Variants in ANKRD24 observed in about 807,000 individuals in gnomAD.
ANKRD24 encodes ankyrin repeat domain-containing protein 24.
Under a neutral mutation model 127.8 loss-of-function variants are expected in ANKRD24, and 109 were observed. The ratio of observed to expected loss-of-function variants is 0.85; its 90% CI spans 0.73 to 1.00. The LOEUF is 1.00. Among genes scored for constraint, ANKRD24 ranks in the 50% least tolerant of loss-of-function variants. ANKRD24 has a pLI of 0.00. For synonymous variants in ANKRD24, 743 were observed against 671.1 expected (o/e 1.11, Z -1.66); for missense variants, 1,648 against 1,570.2 (o/e 1.05, Z -0.84).
intron 1 of ANKRD24, among the ~76,000 whole-genome samples, chr19:4,182,943 C>T (rs1365286428): frequency 7.4e-6 from 1 of 134,914 alleles, no homozygotes; most frequent in Admixed American, 7.7e-5. Context: ...GAATGCCACG[C>T]AGAGTTACCT....
In ANKRD24 at chr19:4,207,932, C is replaced by T. The variant is rs1424106366; in HGVS notation, c.796C>T (p.Leu266=). ...LAGDKLILHL[L]QEAAQRPSPP... ...GGGGGACAAACTCATCCTGCACCTT[C>T]TGCAAGAGGCGGCCCAGCGCCCCTC... The change falls in exon 10 of 22, where the codon CTG becomes TTG. Residue 266 remains leucine, a synonymous_variant. Coordinates refer to ENST00000318934, the MANE Select transcript of ANKRD24 (RefSeq NM_001393985.1). 2 of 1,540,128 alleles carry T rather than the reference C, an allele frequency of 1.3e-6. No homozygotes were observed. The highest frequency in any genetic ancestry group is 2.2e-5 in the Admixed American group (1 of 46,218).
At chr19:4,191,431 T>C (rs886385570) in intron 2 of ANKRD24, among the ~76,000 whole-genome samples, 5 of 152,222 alleles carry the variant, frequency 3.3e-5, no homozygotes, top group South Asian at 2.1e-4. Context: ...CACCGGCTTT[T>C]TCTTATTTAT....
At position 4,212,612 on chromosome 19, in the gene ANKRD24, C is replaced by G. The variant is rs1476566276; in HGVS notation, c.1111C>G (p.Gln371Glu). The change falls in exon 15 of 22, where the codon CAG (glutamine) becomes GAG (glutamate). Residue 371 changes from glutamine (Q) to glutamate (E), a missense_variant. By Grantham distance (29) the Gln-to-Glu change is conservative. Coordinates refer to ENST00000318934, the MANE Select transcript of ANKRD24 (RefSeq NM_001393985.1). ...CTGCTGCTCCCAGGTGCAAGAGCTACAGCAGTTGCTGGTGGAGAGACAAGA... is the reference window on the plus strand; with the variant it reads ...CTGCTGCTCCCAGGTGCAAGAGCTAGAGCAGTTGCTGGTGGAGAGACAAGA... ...HILERQVQEL[Q>E]QLLVERQEEK... is the part of the protein sequence containing the mutation. 6.4e-7 allele frequency: 1 copy of G among 1,551,184 alleles called. No homozygotes were observed. The highest frequency in any genetic ancestry group is 8.7e-7 in the Non-Finnish European group (1 of 1,147,054).
At chr19:4,196,766 G>T (rs1336259470) in intron 2 of ANKRD24, among the ~76,000 whole-genome samples, 1 of 152,158 alleles carries the variant, frequency 6.6e-6, no homozygotes, top group Non-Finnish European at 1.5e-5. Flanking sequence ...GGCATCCAGT[G>T]GGCGCTCAAT....
rs995611095 is a variant in ANKRD24 at position 4,195,560 on chromosome 19, C to T, written c.37-4123C>T. On this transcript the variant is annotated intron_variant, in intron 2 of 21. Transcript: ENST00000318934. This position sits in a 1 kb window ranked among gnomAD's most constrained non-coding sequence, Gnocchi z 4.2. ...TCCTTCCCAAATGCCTGTCACTTTC[C>T]ATTTTCCTGCCTTGGTTCCCACTCC... Among the ~76,000 whole-genome samples the T allele has an allele frequency of 6.6e-6, 1 of 152,136 alleles. No individual in the cohort carries two copies. The highest frequency in any genetic ancestry group is 2.4e-5 in the African/African-American group (1 of 41,430).
chr19:4,216,866 A>G lies in ANKRD24; in HGVS notation c.1706A>G (p.Asp569Gly), dbSNP rs375825221. The G allele has an allele frequency of 5.0e-6, 8 of 1,611,182 alleles. No individual in the cohort carries two copies. In the African/African-American group the frequency reaches 1.1e-4, roughly 22 times the overall value. Residue 569 changes from aspartate to glycine, a missense_variant, in exon 18 of 22, where the codon GAT becomes GGT. Coordinates refer to ENST00000318934, the MANE Select transcript of ANKRD24 (RefSeq NM_001393985.1). ...AETIDEEAAG[D>G]ETMEARTMEA... ...ACCATAGATGAGGAGGCTGCAGGAG[A>G]TGAAACCATGGAAGCCAGGACTATG...
rs1298236903 is a variant in ANKRD24 at position 4,212,481 on chromosome 19, G to A, written c.1066G>A (p.Glu356Lys). Residue 356 changes from glutamate (E) to lysine (K), a missense_variant, in exon 14 of 22, where the codon GAG becomes AAG. Coordinates refer to ENST00000318934, the MANE Select transcript of ANKRD24 (RefSeq NM_001393985.1). ...TCCCTGTTTCTCCCGTCAGTCCCCG[G>A]AGGCCAGCTCCCTGCACATCCTGGA... ...HKERRQQESP[E>K]ASSLHILERQ... is the part of the protein sequence containing the mutation. The A allele has an allele frequency of 1.5e-5, 23 of 1,574,962 alleles. No individual in the cohort carries two copies. Among genetic ancestry groups the A allele is most frequent in the Non-Finnish European group, 1.9e-5 (22 of 1,162,450 alleles).
At chr19:4,222,113 GCGCGGTGGCTCA>G (rs1230504009) in intron 19 of ANKRD24, among the ~76,000 whole-genome samples, 3 of 152,234 alleles carry the variant, frequency 2.0e-5, no homozygotes, top group Non-Finnish European at 4.4e-5. Flanking sequence ...TATTGGCCGG[GCGCGGTGGCTCA>G]CGCCTGTAAT....
At position 4,198,173 on chromosome 19, in the gene ANKRD24, G is replaced by C. The variant is rs570604793; in HGVS notation, c.37-1510G>C. ...GGCGGCCTGCGCTGGTGAGGGAGCC[G>C]GGCCCCCGGCGCCGCGTCCTCCTCA... On this transcript the variant is annotated intron_variant, in intron 2 of 21. Coordinates refer to ENST00000318934, the MANE Select transcript of ANKRD24 (RefSeq NM_001393985.1). This position sits in a 1 kb window ranked among gnomAD's most constrained non-coding sequence, Gnocchi z 6.1. The C allele has an allele frequency of 3.5e-3, 1,995 of 565,698 alleles. 32 individuals carry two copies. In the African/African-American group the frequency reaches 0.035, roughly 10 times the overall value. 35.0% of individuals were successfully genotyped at this position (565,698 alleles called of 1,614,324 possible). A position where few individuals can be genotyped will look rare whatever the true frequency, so the allele number is the denominator to read the frequency against.
rs751426443 is a variant in ANKRD24 at position 4,218,044 on chromosome 19, G to A, written c.2884G>A (p.Val962Met). 2.1e-5 allele frequency: 33 copies of A among 1,560,440 alleles called. No homozygotes were observed. The South Asian group carries it at 3.4e-4, about 16-fold the overall frequency. The change falls in exon 18 of 22, where the codon GTG becomes ATG. Residue 962 changes from valine (V) to methionine (M), a missense_variant. Coordinates refer to ENST00000318934, the MANE Select transcript of ANKRD24 (RefSeq NM_001393985.1). ...AELERERVCS[V>M]ALSEHERIVG... ...GCTGGAGCGGGAGCGTGTGTGCAGCGTGGCGCTCTCGGAGCACGAACGCAT... is the reference window on the plus strand; with the variant it reads ...GCTGGAGCGGGAGCGTGTGTGCAGCATGGCGCTCTCGGAGCACGAACGCAT...
rs114822981 is a variant in ANKRD24, at chr19:4,213,200, A to C, written c.1197+502A>C. 6.3e-3 allele frequency among the ~76,000 whole-genome samples: 952 copies of C among 150,384 alleles called. 9 individuals carry two copies. The highest frequency in any genetic ancestry group is 0.02 in the African/African-American group (817 of 40,916). On this transcript the variant is annotated intron_variant, in intron 15 of 21. Coordinates refer to ENST00000318934, the MANE Select transcript of ANKRD24 (RefSeq NM_001393985.1). ...ACAAATGTGCACAGACACAGAAAGGACCTTCCTTTCTTCCCCTTCTCCTTC... is the reference window on the plus strand; with the variant it reads ...ACAAATGTGCACAGACACAGAAAGGCCCTTCCTTTCTTCCCCTTCTCCTTC...
chr19:4,212,476 C>G lies in ANKRD24; in HGVS notation c.1061C>G (p.Ser354Cys). 15 of 1,575,294 alleles carry G rather than the reference C, an allele frequency of 9.5e-6. No homozygotes were observed. The highest frequency in any genetic ancestry group is 1.2e-5 in the Non-Finnish European group (14 of 1,162,652). The change falls in exon 14 of 22, where the codon TCC becomes TGC. Residue 354 changes from serine (S) to cysteine (C), a missense_variant and splice_region_variant. Coordinates refer to ENST00000318934, the MANE Select transcript of ANKRD24 (RefSeq NM_001393985.1). ...EQHKERRQQE[S>C]PEASSLHILE... Reference sequence around the variant, plus strand: ...CCCTGTCCCTGTTTCTCCCGTCAGTCCCCGGAGGCCAGCTCCCTGCACATC... The same window carrying G: ...CCCTGTCCCTGTTTCTCCCGTCAGTGCCCGGAGGCCAGCTCCCTGCACATC...
rs1226408843 is a variant in ANKRD24, at chr19:4,217,981, G to A, written c.2821G>A (p.Val941Met). 2 of 1,522,998 alleles carry A rather than the reference G, an allele frequency of 1.3e-6. No individual in the cohort carries two copies. Among genetic ancestry groups the A allele is most frequent in the Admixed American group, 2.0e-5 (1 of 49,790 alleles). 94.3% of individuals were successfully genotyped at this position (1,522,998 alleles called of 1,614,324 possible). A position where few individuals can be genotyped will look rare whatever the true frequency, so the allele number is the denominator to read the frequency against. ...GGCAGCCAGTCTGGAGCAGGAGGTG[G>A]TGGCCACGGGCAAGGAGGCCGCCCG... ...GRAASLEQEV[V>M]ATGKEAARLR... Residue 941 changes from valine to methionine, a missense_variant, in exon 18 of 22, where the codon GTG becomes ATG. Transcript: ENST00000318934.
At chr19:4,194,209 C>G (rs1968566819) in intron 2 of ANKRD24, among the ~76,000 whole-genome samples, 3 of 152,160 alleles carry the variant, frequency 2.0e-5, no homozygotes, top group South Asian at 2.1e-4. Flanking sequence ...GTCACCCAGG[C>G]TGGAGTGCTC....
rs1418643460 is a variant in ANKRD24, at chr19:4,189,251, T to TTC, written c.36+2791_36+2792insCT. Among the ~76,000 whole-genome samples, 7 of 140,000 alleles carry TTC rather than the reference T, an allele frequency of 5.0e-5. No individual in the cohort carries two copies. In the East Asian group the frequency reaches 1.4e-3, roughly 29 times the overall value. The allele number at this position is 140,000 out of a possible 152,430, so 91.8% of individuals were successfully genotyped here. Reference sequence around the variant, plus strand: ...TTTAATTTTTCTTTCTTCTTTTTTTTTTTTTTTTTTTTTTGAAGGAGTCTC... The same window carrying TTC: ...TTTAATTTTTCTTTCTTCTTTTTTTTTCTTTTTTTTTTTTTTGAAGGAGTCTC... On this transcript the variant is annotated intron_variant, in intron 2 of 21. Transcript: ENST00000318934.
At position 4,217,098 on chromosome 19, in the gene ANKRD24, A is replaced by C. The variant is rs1480472588; in HGVS notation, c.1938A>C (p.Lys646Asn). 6.8e-6 allele frequency: 11 copies of C among 1,613,740 alleles called. No individual in the cohort carries two copies. Among genetic ancestry groups the C allele is most frequent in the Non-Finnish European group, 9.3e-6 (11 of 1,179,830 alleles). ...EAMGVEATKTKAEEAEMQAYG... is the reference protein window; with the variant it reads ...EAMGVEATKTNAEEAEMQAYG... ...TGGGGGTGGAGGCCACAAAAACAAA[A>C]GCAGAGGAAGCAGAAATGCAGGCCT... Residue 646 changes from lysine (K) to asparagine (N), a missense_variant, in exon 18 of 22, where the codon AAA becomes AAC. By Grantham distance (94) the Lys-to-Asn change is moderately conservative. Coordinates refer to ENST00000318934, the MANE Select transcript of ANKRD24 (RefSeq NM_001393985.1).
Position 4,217,912 on chromosome 19 carries a change from G to T in ANKRD24, c.2752G>T (p.Glu918Ter). Residue 918 changes from glutamate to a stop codon, truncating the protein, a stop_gained, in exon 18 of 22, where the codon GAG (glutamate) becomes TAG (stop). Coordinates refer to ENST00000318934, the MANE Select transcript of ANKRD24 (RefSeq NM_001393985.1). LOFTEE classifies it high-confidence loss of function. ...CCGCCAGTCCGTGGTGCCGGCCTCT[G>T]AGCACCGCCGGCTGCAGGAGGAGGC... ...ALRQSVVPAS[E>*]HRRLQEEALE... 1 of 1,488,060 alleles carries T rather than the reference G, an allele frequency of 6.7e-7. No homozygotes were observed. Among genetic ancestry groups the T allele is most frequent in the South Asian group, 1.3e-5 (1 of 78,684 alleles). 92.2% of individuals were successfully genotyped at this position (1,488,060 alleles called of 1,614,324 possible).
intron 15 of ANKRD24, among the ~76,000 whole-genome samples, chr19:4,213,390 C>T (rs191771693): frequency 7.9e-6 from 1 of 127,232 alleles, no homozygotes; most frequent in African/African-American, 2.8e-5. Flanking sequence ...TCTTCCTTCC[C>T]TTCCTTCTTT....
At chr19:4,209,923 G>A (rs1431255447) in intron 11 of ANKRD24, 135 bp from the exon 12 acceptor site, 2 of 533,038 alleles carry the variant, frequency 3.8e-6, no homozygotes, top group Admixed American at 3.8e-5. Context: ...GTAAGCGGCA[G>A]GAGGCAGGGG....
Sources: gnomAD v4.1 joint callset for allele counts (sites outside exome capture counted in the v4.1 genomes callset) on GRCh38, gnomAD v4.1.1 for gene constraint, Gnocchi (gnomAD v3.1) non-coding constraint, MANE v1.5 for transcripts, NCBI Gene and HGNC (gene_info 2026-07-23, HGNC 2026-07-21) for gene names.